NRXN1: variants seen among roughly 807,000 people sequenced by gnomAD.
NRXN1 encodes the protein neurexin 1, also known as neurexin-1.
NRXN1 carries 39 observed loss-of-function variants against 150.9 expected under a neutral mutation model. That is an observed-to-expected ratio of 0.26 (90% CI 0.20 to 0.34). The LOEUF is 0.34. NRXN1 is among the 10% of genes least tolerant of loss of function. The pLI is 1.00. For synonymous variants in NRXN1, 924 were observed against 757.0 expected (o/e 1.22, Z -3.62); for missense variants, 1,815 against 1,949.9 (o/e 0.93, Z 1.30).
At chr2:50,054,397 C>G (rs942990801) in intron 20 of NRXN1, among the ~76,000 whole-genome samples, 9 of 152,178 alleles carry the variant, frequency 5.9e-5, no homozygotes, top group African/African-American at 2.2e-4. Context: ...AGATTGCTCT[C>G]TGCTCATAAA....
intron 2 of NRXN1, among the ~76,000 whole-genome samples, chr2:50,988,095 A>C (rs1697991032): frequency 6.6e-6 from 1 of 151,968 alleles, no homozygotes; most frequent in African/African-American, 2.4e-5. Context: ...ACAGTGCTTT[A>C]ATAAGATACA....
chr2:50,716,122 G>T (rs1290206079), intron 5 of NRXN1, among the ~76,000 whole-genome samples: 1 of 152,060 alleles, frequency 6.6e-6, no homozygotes, highest in Non-Finnish European at 1.5e-5. Flanking sequence ...TATAAAAATT[G>T]GCACAAACAT....
chr2:50,509,162 C>T (rs1481252577), intron 12 of NRXN1, among the ~76,000 whole-genome samples: 1 of 152,196 alleles, frequency 6.6e-6, no homozygotes, highest in African/African-American at 2.4e-5. Context: ...CAAGTTTCAT[C>T]CTTGGCCTGA....
At chr2:50,829,452 A>T in intron 5 of NRXN1, 1 of 1,539,430 alleles carries the variant, frequency 6.5e-7, no homozygotes. Flanking sequence ...CCCTTTGCTG[A>T]TGTAGCCTGA....
intron 18 of NRXN1, among the ~76,000 whole-genome samples, chr2:50,203,203 T>G (rs904408533): frequency 1.3e-5 from 2 of 152,164 alleles, no homozygotes; most frequent in African/African-American, 2.4e-5. Context: ...CTCAGTATCT[T>G]TTTAGCCTGA....
At position 50,451,554 on chromosome 2, in the gene NRXN1, G is replaced by A. The variant is rs1241804897; in HGVS notation, c.3364+13888C>T. 5.3e-5 allele frequency among the ~76,000 whole-genome samples: 8 copies of A among 152,100 alleles called. No homozygotes were observed. In the East Asian group the frequency reaches 9.7e-4, roughly 18 times the overall value. On this transcript the variant is annotated intron_variant, in intron 17 of 22. Transcript: ENST00000401669. ...AATAGTACTCACCTTGCTCTGCATC[G>A]GTTCTTCCTCATTTTTGCAATTTCT...
intron 5 of NRXN1, among the ~76,000 whole-genome samples, chr2:50,725,453 A>G (rs1157937432): frequency 6.6e-6 from 1 of 152,150 alleles, no homozygotes; most frequent in Non-Finnish European, 1.5e-5. Flanking sequence ...CATGAGAAAA[A>G]TCACCACACT....
chr2:50,538,105 T>A, intron 10 of NRXN1, 148 bp downstream of exon 10: 2 of 809,934 alleles, frequency 2.5e-6, no homozygotes, highest in Non-Finnish European at 3.7e-6. Context: ...TCATTAGTAA[T>A]CCATGTCAGG....
At chr2:50,167,406 C>T (rs112201014) in intron 18 of NRXN1, among the ~76,000 whole-genome samples, 3 of 152,080 alleles carry the variant, frequency 2.0e-5, no homozygotes, top group Admixed American at 6.5e-5. Flanking sequence ...CTGCCTCCCC[C>T]CCGCCTGTTA....
rs111635224 is a variant in NRXN1 at position 50,901,353 on chromosome 2, G to A, written c.832+20516C>T. 1.8e-3 allele frequency among the ~76,000 whole-genome samples: 276 copies of A among 152,148 alleles called. 4 individuals are homozygous for A. Among genetic ancestry groups the A allele is most frequent in the African/African-American group, 6.5e-3 (268 of 41,510 alleles). On this transcript the variant is annotated intron_variant, in intron 5 of 22. Coordinates refer to ENST00000401669, the MANE Select transcript of NRXN1 (RefSeq NM_001330078.2). ...GATCGAGACCATCCTGGCTAACATG[G>A]TGAAAACCAGTCTCTACTAAAAATA...
At chr2:50,379,582 T>C (rs1461365635) in intron 17 of NRXN1, among the ~76,000 whole-genome samples, 1 of 152,108 alleles carries the variant, frequency 6.6e-6, no homozygotes, top group Non-Finnish European at 1.5e-5. Flanking sequence ...TAATGTCTTG[T>C]TTATGTCCCC....
chr2:50,363,151 T>A (rs2079342931), intron 17 of NRXN1, among the ~76,000 whole-genome samples: 1 of 152,150 alleles, frequency 6.6e-6, no homozygotes, highest in Non-Finnish European at 1.5e-5. Context: ...GAAGAAAACC[T>A]AGGCAATAAC....
chr2:50,970,067 T>C (rs1694764548), intron 2 of NRXN1, among the ~76,000 whole-genome samples: 1 of 152,146 alleles, frequency 6.6e-6, no homozygotes, highest in Non-Finnish European at 1.5e-5. Flanking sequence ...ACATGACCCC[T>C]TCTGGAATGG....
chr2:50,220,892 C>T (rs964977414), intron 18 of NRXN1, among the ~76,000 whole-genome samples: 1 of 151,944 alleles, frequency 6.6e-6, no homozygotes, highest in African/African-American at 2.4e-5. Flanking sequence ...GCTAGTTATG[C>T]AAGGTAACTA....
At chr2:50,644,542 A>T (rs929946289) in intron 5 of NRXN1, among the ~76,000 whole-genome samples, 1 of 151,616 alleles carries the variant, frequency 6.6e-6, no homozygotes, top group East Asian at 1.9e-4. Context: ...CTAAAGAATA[A>T]TACATCCTGA....
intron 17 of NRXN1, among the ~76,000 whole-genome samples, chr2:50,366,143 G>A (rs950406514): frequency 2.9e-5 from 4 of 139,634 alleles, no homozygotes; most frequent in South Asian, 2.3e-4. Context: ...GGGTTTTCTC[G>A]GCTGGACACT....
At chr2:50,321,046 C>T (rs1475263871) in intron 17 of NRXN1, among the ~76,000 whole-genome samples, 1 of 152,122 alleles carries the variant, frequency 6.6e-6, no homozygotes, top group Non-Finnish European at 1.5e-5. Flanking sequence ...AACTGGAAAG[C>T]TGAGGAAGCA....
intron 16 of NRXN1, among the ~76,000 whole-genome samples, chr2:50,466,038 T>C (rs1224777743): frequency 6.6e-6 from 1 of 151,750 alleles, no homozygotes; most frequent in Non-Finnish European, 1.5e-5. Flanking sequence ...GATAAAGTTA[T>C]GATTGCTGGG....
intron 8 of NRXN1, among the ~76,000 whole-genome samples, chr2:50,592,156 G>A (rs1021333065): frequency 5.9e-5 from 9 of 152,176 alleles, no homozygotes; most frequent in South Asian, 2.1e-4. Flanking sequence ...TAGCTACTAC[G>A]ACTACTCTAA....
Sources: gnomAD v4.1 joint callset for allele counts (sites outside exome capture counted in the v4.1 genomes callset) on GRCh38, gnomAD v4.1.1 for gene constraint, MANE v1.5 for transcripts, NCBI Gene and HGNC (gene_info 2026-07-23, HGNC 2026-07-21) for gene names.